ASXL1: variants seen among roughly 807,000 people sequenced by gnomAD.
The protein encoded by ASXL1 is ASXL transcriptional regulator 1, also known as polycomb group protein ASXL1.
A neutral mutation model predicts 89.1 loss-of-function variants in ASXL1; 65 were observed. The observed-to-expected ratio is 0.73, with a 90% CI of 0.60 to 0.90. The LOEUF is 0.90. Ranked by LOEUF, ASXL1 falls within the 40% of genes least tolerant of loss-of-function variation. The probability of loss-of-function intolerance (pLI) is 0.00; values close to 1 mark genes in which losing one functional copy is unlikely to be tolerated. For synonymous variants in ASXL1, 739 were observed against 746.9 expected, an observed-to-expected ratio of 0.99 and a Z score of 0.17; for missense variants, 1,786 against 1,942.9, an observed-to-expected ratio of 0.92 and a Z score of 1.52.
intron 6 of ASXL1, chr20:32,428,954 C>T (rs1428908562): frequency 2.9e-6 from 1 of 345,450 alleles, no homozygotes; most frequent in Non-Finnish European, 5.6e-6. Context: ...AGTCACCATG[C>T]CTAGCCTGAT....
At position 32,373,793 on chromosome 20, in the gene ASXL1, G is replaced by A. The variant is rs182997557; in HGVS notation, c.252+4670G>A. Among the ~76,000 whole-genome samples, 99 of 152,058 alleles carry A rather than the reference G, an allele frequency of 6.5e-4. 1 individual carries two copies. Among genetic ancestry groups the A allele is most frequent in the African/African-American group, 2.2e-3 (93 of 41,482 alleles). On this transcript the variant is annotated intron_variant, in intron 4 of 12. Coordinates refer to ENST00000375687, the MANE Select transcript of ASXL1 (RefSeq NM_015338.6). ...TGAGGCTGGAGAATTGCTTGAACCC[G>A]GGAGGCAGAGGTTGCAGTGAGCCAA...
In ASXL1 at chr20:32,358,547, T is replaced by TG. The variant is rs2048050202; in HGVS notation, c.-228dup. 2 of 214,256 alleles carry TG rather than the reference T, an allele frequency of 9.3e-6. No homozygotes were observed. The highest frequency in any genetic ancestry group is 1.9e-5 in the Non-Finnish European group (2 of 106,300). The allele number at this position is 214,256 out of a possible 1,614,324, so 13.3% of individuals were successfully genotyped here. Reference sequence around the variant, plus strand: ...AGCCGCCGCTGCCGCCGTGGGCGACTGACGCAGCGCGGGCGCGTGGAGCCG... The same window carrying TG: ...AGCCGCCGCTGCCGCCGTGGGCGACTGGACGCAGCGCGGGCGCGTGGAGCCG... On this transcript the variant is annotated 5_prime_UTR_variant, in exon 1 of 13. Coordinates refer to ENST00000375687, the MANE Select transcript of ASXL1 (RefSeq NM_015338.6).
rs1175390459 is a variant in ASXL1, at chr20:32,429,627, G to T, written c.565+196G>T. 1.4e-6 allele frequency: 1 copy of T among 724,518 alleles called. No homozygotes were observed. Among genetic ancestry groups the T allele is most frequent in the African/African-American group, 1.8e-5 (1 of 56,510 alleles). The allele number at this position is 724,518 out of a possible 1,614,324, so 44.9% of individuals were successfully genotyped here. A position where few individuals can be genotyped will look rare whatever the true frequency, so the allele number is the denominator to read the frequency against. ...TGTGTGCCTTCCTCTTTGTCTCCCAGGGCAGTCGTGAGGATCCAACGGAGG... is the reference window on the plus strand; with the variant it reads ...TGTGTGCCTTCCTCTTTGTCTCCCATGGCAGTCGTGAGGATCCAACGGAGG... On this transcript the variant is annotated intron_variant, in intron 7 of 12. Transcript: ENST00000375687. The surrounding 1 kb of genome is among the most constrained non-coding windows in gnomAD (Gnocchi z 4.9).
chr20:32,401,796 T>C (rs1352956989), intron 4 of ASXL1, among the ~76,000 whole-genome samples: 1 of 152,152 alleles, frequency 6.6e-6, no homozygotes, highest in Non-Finnish European at 1.5e-5. Flanking sequence ...CCTCAAGTGA[T>C]CCACCCACCT....
rs965029053 is a variant in ASXL1 at position 32,438,858 on chromosome 20, C to T, written c.*1520C>T. ...ATGCCTGCTCCTGCCTCTCTCCCAA[C>T]ATGTTTCCAGCAAGTAGATGCCCCT... On this transcript the variant is annotated 3_prime_UTR_variant, in exon 13 of 13. Transcript: ENST00000375687. 3 of 233,382 alleles carry T rather than the reference C, an allele frequency of 1.3e-5. No individual in the cohort carries two copies. Among genetic ancestry groups the T allele is most frequent in the East Asian group, 6.0e-5 (1 of 16,606 alleles). The allele number at this position is 233,382 out of a possible 1,614,324, so 14.5% of individuals were successfully genotyped here. A position where few individuals can be genotyped will look rare whatever the true frequency, so the allele number is the denominator to read the frequency against.
intron 3 of ASXL1, 91 bp from the exon 4 acceptor site, chr20:32,368,924 T>C: frequency 9.6e-7 from 1 of 1,042,902 alleles, no homozygotes; most frequent in Non-Finnish European, 1.4e-6. Context: ...TTGCTTAGCT[T>C]CTTCTCATTT....
In ASXL1 at chr20:32,436,421, TC is replaced by T; in HGVS notation, c.3711del (p.Phe1238LeufsTer42). 6.2e-7 allele frequency: 1 copy of T among 1,613,968 alleles called. No homozygotes were observed. Among genetic ancestry groups the T allele is most frequent in the Non-Finnish European group, 8.5e-7 (1 of 1,180,018 alleles). On this transcript the variant is annotated frameshift_variant, in exon 13 of 13. Coordinates refer to ENST00000375687, the MANE Select transcript of ASXL1 (RefSeq NM_015338.6). LOFTEE classifies it high-confidence loss of function. ...AATGGATTCCAAAGAGCAGTTCTCTTCCTTTAGTTGTGAAGATCAGAAGGAA... is the reference window on the plus strand; with the variant it reads ...AATGGATTCCAAAGAGCAGTTCTCTTCTTTAGTTGTGAAGATCAGAAGGAA... ...EEMDSKEQFS[S>X]FSCEDQKEVR...
chr20:32,371,406 C>T (rs2048298937), intron 4 of ASXL1, among the ~76,000 whole-genome samples: 1 of 152,028 alleles, frequency 6.6e-6, no homozygotes, highest in African/African-American at 2.4e-5. Flanking sequence ...CCACCTCAGC[C>T]TTCTGAGTAG....
chr20:32,422,454 TA>T (rs1353870899), intron 4 of ASXL1, among the ~76,000 whole-genome samples: 8 of 144,366 alleles, frequency 5.5e-5, no homozygotes, highest in African/African-American at 1.8e-4. Context: ...CATTACCATC[TA>T]GTATGCAGTT....
intron 4 of ASXL1, among the ~76,000 whole-genome samples, chr20:32,402,585 A>G (rs2048894105): frequency 6.6e-6 from 1 of 152,244 alleles, no homozygotes. Context: ...ACAATGTATA[A>G]GAAATCCAAT....
chr20:32,396,893 C>T (rs1005438962), intron 4 of ASXL1, among the ~76,000 whole-genome samples: 3 of 151,646 alleles, frequency 2.0e-5, no homozygotes, highest in Non-Finnish European at 4.4e-5. Flanking sequence ...CAGTGGTATC[C>T]AATCTTTTGG....
intron 4 of ASXL1, among the ~76,000 whole-genome samples, chr20:32,398,518 T>TGTG (rs939166940): frequency 2.6e-5 from 4 of 152,180 alleles, no homozygotes; most frequent in African/African-American, 7.2e-5. Context: ...GCTCTGTTTC[T>TGTG]GTGGATTTAC....
At chr20:32,432,649 T>C (rs2011554674) in intron 10 of ASXL1, 2 of 490,526 alleles carry the variant, frequency 4.1e-6, no homozygotes, top group African/African-American at 3.9e-5. Flanking sequence ...GAAATATGAA[T>C]GGTTCTTTTG....
intron 4 of ASXL1, among the ~76,000 whole-genome samples, chr20:32,379,527 G>A (rs2048450038): frequency 6.7e-6 from 1 of 150,350 alleles, no homozygotes. Flanking sequence ...CACTTTTGTT[G>A]TTACATAAGA....
intron 4 of ASXL1, among the ~76,000 whole-genome samples, chr20:32,417,093 G>A (rs1298386129): frequency 6.6e-6 from 1 of 152,092 alleles, no homozygotes; most frequent in Non-Finnish European, 1.5e-5. Context: ...TAGATTGACA[G>A]GTCTAGGTTA....
chr20:32,370,888 T>C (rs1046635357), intron 4 of ASXL1, among the ~76,000 whole-genome samples: 2 of 149,642 alleles, frequency 1.3e-5, no homozygotes, highest in Admixed American at 6.8e-5. Flanking sequence ...TGGTGGCTCA[T>C]GCCTGTAATC....
At chr20:32,370,489 C>T (rs549733770) in intron 4 of ASXL1, among the ~76,000 whole-genome samples, 1 of 152,200 alleles carries the variant, frequency 6.6e-6, no homozygotes, top group South Asian at 2.1e-4. Context: ...TGATTTGGGG[C>T]TGTACTTTGT....
rs576447224 is a variant in ASXL1 at position 32,431,414 on chromosome 20, G to A, written c.812G>A (p.Arg271Gln). 2.5e-6 allele frequency: 4 copies of A among 1,614,114 alleles called. No homozygotes were observed. The highest frequency in any genetic ancestry group is 2.5e-6 in the Non-Finnish European group (3 of 1,180,024). The change falls in exon 9 of 13, where the codon CGG (arginine) becomes CAG (glutamine). Residue 271 changes from arginine (R) to glutamine (Q), a missense_variant. Physicochemically the swap from Arg to Gln is conservative, Grantham distance 43. Coordinates refer to ENST00000375687, the MANE Select transcript of ASXL1 (RefSeq NM_015338.6). ...NTNLRALINS[R>Q]TFHALPSHFQ... ...AACCTCCGTGCCCTGATCAACTCTC[G>A]GACCTTCCATGCCTTACCATCACAC...
At chr20:32,382,769 G>A (rs1411996321) in intron 4 of ASXL1, among the ~76,000 whole-genome samples, 1 of 152,064 alleles carries the variant, frequency 6.6e-6, no homozygotes, top group Non-Finnish European at 1.5e-5. Flanking sequence ...CTGGGCAACA[G>A]AGTAAGACCC....
Sources: gnomAD v4.1 joint callset for allele counts (sites outside exome capture counted in the v4.1 genomes callset) on GRCh38, gnomAD v4.1.1 for gene constraint, Gnocchi (gnomAD v3.1) non-coding constraint, MANE v1.5 for transcripts, NCBI Gene and HGNC (gene_info 2026-07-23, HGNC 2026-07-21) for gene names.